The following CNST variants were observed in gnomAD, a reference collection of about 807,000 sequenced individuals.
CNST encodes consortin, connexin sorting protein, also known as consortin.
Under a neutral mutation model 72.4 loss-of-function variants are expected in CNST, and 39 were observed. The ratio of observed to expected loss-of-function variants is 0.54; its 90% CI spans 0.42 to 0.70. The LOEUF (loss-of-function observed/expected upper bound fraction) is 0.70. CNST is among the 30% of genes least tolerant of loss of function. The pLI, the probability that CNST is intolerant of heterozygous loss-of-function variation, is 0.00. For synonymous variants in CNST, 332 were observed against 320.1 expected (o/e 1.04, Z -0.40); for missense variants, 871 against 868.5 (o/e 1.00, Z -0.04).
At chr1:246,663,676 G>A (rs892427271) in intron 10 of CNST, among the ~76,000 whole-genome samples, 9 of 151,930 alleles carry the variant, frequency 5.9e-5, no homozygotes, top group Admixed American at 2.0e-4. Flanking sequence ...GGAGGCAGAG[G>A]TTGCAGTGAG....
At chr1:246,580,332 G>A (rs531448741) in intron 1 of CNST, among the ~76,000 whole-genome samples, 1 of 152,222 alleles carries the variant, frequency 6.6e-6, no homozygotes, top group South Asian at 2.1e-4. Flanking sequence ...TTAAATGAAT[G>A]CATGAAATAC....
chr1:246,585,712 C>A (rs915082727), intron 1 of CNST, among the ~76,000 whole-genome samples: 1 of 104,136 alleles, frequency 9.6e-6, no homozygotes, highest in Non-Finnish European at 2.0e-5. Flanking sequence ...CACACACACA[C>A]TATATATGTA....
chr1:246,573,094 C>A (rs769145243), intron 1 of CNST, among the ~76,000 whole-genome samples: 13 of 152,162 alleles, frequency 8.5e-5, no homozygotes, highest in African/African-American at 2.7e-4. Flanking sequence ...TATTGATACC[C>A]ATTTTTGGCA....
At chr1:246,646,279 C>CAA (rs550697329) in intron 8 of CNST, among the ~76,000 whole-genome samples, 14 of 99,398 alleles carry the variant, frequency 1.4e-4, no homozygotes, top group African/African-American at 2.2e-4. Flanking sequence ...AACTCCGTCT[C>CAA]AAAAAAAAAA....
At chr1:246,582,868 T>C (rs1361728265) in intron 1 of CNST, among the ~76,000 whole-genome samples, 2 of 152,180 alleles carry the variant, frequency 1.3e-5, no homozygotes, top group East Asian at 3.9e-4. Flanking sequence ...TGTTATCTGC[T>C]ATATCAACAT....
intron 3 of CNST, among the ~76,000 whole-genome samples, chr1:246,625,188 A>G (rs1207990445): frequency 6.6e-6 from 1 of 152,134 alleles, no homozygotes; most frequent in African/African-American, 2.4e-5. Flanking sequence ...GTAGTTCCAC[A>G]AATGTTCTGT....
At chr1:246,589,803 C>T (rs1661430698) in intron 1 of CNST, among the ~76,000 whole-genome samples, 1 of 152,120 alleles carries the variant, frequency 6.6e-6, no homozygotes, top group African/African-American at 2.4e-5. Context: ...TAATGATTGC[C>T]ATTCTAACTG....
intron 3 of CNST, 35 bp from the exon 4 acceptor site, chr1:246,631,857 AAT>A: frequency 7.9e-7 from 1 of 1,264,944 alleles, no homozygotes; most frequent in Non-Finnish European, 1.1e-6. Flanking sequence ...TCCAAGTGTT[AAT>A]TTAATTTTCT....
intron 1 of CNST, 41 bp downstream of exon 1, chr1:246,566,704 C>T (rs1659706691): frequency 5.0e-6 from 2 of 399,882 alleles, no homozygotes; most frequent in Non-Finnish European, 8.8e-6. Context: ...CCCGCCGGCT[C>T]GCGGCCGGGA....
At chr1:246,629,728 AT>A (rs1430245723) in intron 3 of CNST, among the ~76,000 whole-genome samples, 3 of 151,688 alleles carry the variant, frequency 2.0e-5, no homozygotes, top group Non-Finnish European at 4.4e-5. Context: ...TGTACTTGAA[AT>A]TTTTTTTTCT....
chr1:246,614,718 C>T (rs1663569123), intron 2 of CNST, among the ~76,000 whole-genome samples: 1 of 152,252 alleles, frequency 6.6e-6, no homozygotes, highest in Non-Finnish European at 1.5e-5. Flanking sequence ...GATCTGCCCA[C>T]CTCAGCCTCC....
rs776442522 is a variant in CNST at position 246,647,236 on chromosome 1, A to G, written c.1035A>G (p.Gln345=). The change falls in exon 9 of 11, where the codon CAA becomes CAG. Residue 345 remains glutamine (Q), a synonymous_variant. Transcript: ENST00000366513. ...CCTGCTGTCATCAGATGGACGTGCA[A>G]ACAGATTCCCCAAGCCTTTCGGTAA... ...SSPCCHQMDV[Q]TDSPSLSVTA... The G allele has an allele frequency of 2.1e-5, 34 of 1,614,002 alleles. No individual in the cohort carries two copies. The East Asian group carries it at 7.4e-4, about 35-fold the overall frequency.
At chr1:246,638,187 G>A (rs1021646049) in intron 6 of CNST, among the ~76,000 whole-genome samples, 14 of 152,178 alleles carry the variant, frequency 9.2e-5, no homozygotes, top group Admixed American at 2.0e-4. Context: ...AATGAGAAGC[G>A]CCCTTCCTTG....
At chr1:246,653,978 A>C (rs1666634321) in intron 9 of CNST, among the ~76,000 whole-genome samples, 1 of 152,188 alleles carries the variant, frequency 6.6e-6, no homozygotes, top group South Asian at 2.1e-4. Flanking sequence ...CAGCTTTTTT[A>C]AACTCCACAG....
At chr1:246,653,156 A>G (rs1184371510) in intron 9 of CNST, among the ~76,000 whole-genome samples, 1 of 152,196 alleles carries the variant, frequency 6.6e-6, no homozygotes, top group Non-Finnish European at 1.5e-5. Flanking sequence ...CACAGTGTCT[A>G]GTGGGGAGAA....
chr1:246,615,298 C>T (rs1260920316), intron 2 of CNST, among the ~76,000 whole-genome samples: 1 of 152,140 alleles, frequency 6.6e-6, no homozygotes, highest in Non-Finnish European at 1.5e-5. Flanking sequence ...GCCTCAGCCT[C>T]CCGCGTAGCT....
intron 2 of CNST, among the ~76,000 whole-genome samples, chr1:246,608,776 GA>G (rs1181393900): frequency 1.3e-5 from 2 of 152,172 alleles, no homozygotes; most frequent in African/African-American, 4.8e-5. Context: ...TTCGTTTTAA[GA>G]CTGCCACCTG....
At chr1:246,567,365 A>C (rs1039919782) in intron 1 of CNST, among the ~76,000 whole-genome samples, 2 of 138,576 alleles carry the variant, frequency 1.4e-5, no homozygotes, top group African/African-American at 5.3e-5. Context: ...TTTTTTTTTT[A>C]CCTATTGGGC....
intron 8 of CNST, among the ~76,000 whole-genome samples, chr1:246,643,633 G>A (rs536209795): frequency 5.6e-4 from 86 of 152,248 alleles, no homozygotes; most frequent in African/African-American, 1.9e-3. Flanking sequence ...CTAATTGAAC[G>A]CAGCCTGCTT....
Sources: gnomAD v4.1 joint callset for allele counts (sites outside exome capture counted in the v4.1 genomes callset) on GRCh38, gnomAD v4.1.1 for gene constraint, MANE v1.5 for transcripts, NCBI Gene and HGNC (gene_info 2026-07-23, HGNC 2026-07-21) for gene names.